Variants in LRP1B observed in about 807,000 individuals in gnomAD.
The protein encoded by LRP1B is LDL receptor related protein 1B, also known as low-density lipoprotein receptor-related protein 1B.
A neutral mutation model predicts 556.6 loss-of-function variants in LRP1B; 217 were observed. The ratio of observed to expected loss-of-function variants is 0.39; its 90% CI spans 0.35 to 0.44. The LOEUF (loss-of-function observed/expected upper bound fraction) is 0.44. Among genes scored for constraint, LRP1B ranks in the 20% least tolerant of loss-of-function variants. LRP1B has a pLI of 1.00. For synonymous variants in LRP1B, 2,047 were observed against 1,865.8 expected (o/e 1.10, Z -2.50); for missense variants, 5,053 against 5,620.8 (o/e 0.90, Z 3.23).
At chr2:141,929,915 A>ACAAAC (rs201062832) in intron 1 of LRP1B, among the ~76,000 whole-genome samples, 5 of 7,834 alleles carry the variant, frequency 6.4e-4, no homozygotes, top group African/African-American at 1.8e-3. Flanking sequence ...ATGGAAACAA[A>ACAAAC]AAAAAAAAAA....
intron 41 of LRP1B, among the ~76,000 whole-genome samples, chr2:140,624,897 T>C (rs34071702): frequency 0.038 from 5,819 of 152,268 alleles, 140 homozygotes; most frequent in Non-Finnish European, 0.061. Context: ...GCAAATTGCA[T>C]ATTCCTATGG....
intron 2 of LRP1B, among the ~76,000 whole-genome samples, chr2:141,557,033 T>C (rs2105240565): frequency 6.6e-6 from 1 of 151,958 alleles, no homozygotes; most frequent in South Asian, 2.1e-4. Context: ...TATTCTCTGC[T>C]GATGTTGCTG....
At chr2:142,023,844 T>G (rs1265844326) in intron 1 of LRP1B, among the ~76,000 whole-genome samples, 2 of 151,500 alleles carry the variant, frequency 1.3e-5, no homozygotes, top group African/African-American at 4.9e-5. Context: ...CAGCCCTGCC[T>G]CTATGAAGCA....
chr2:141,847,442 AT>A (rs554627688), intron 1 of LRP1B, among the ~76,000 whole-genome samples: 2 of 151,416 alleles, frequency 1.3e-5, no homozygotes, highest in Admixed American at 6.6e-5. Flanking sequence ...TAGACAACTG[AT>A]TTTTTTTAAA....
At chr2:141,082,120 C>T (rs1699938004) in intron 7 of LRP1B, among the ~76,000 whole-genome samples, 1 of 47,268 alleles carries the variant, frequency 2.1e-5, no homozygotes. Flanking sequence ...AGCTCCATTC[C>T]AAGACAATTC....
chr2:141,052,618 A>G (rs548186883), intron 10 of LRP1B, among the ~76,000 whole-genome samples: 4 of 152,164 alleles, frequency 2.6e-5, no homozygotes, highest in African/African-American at 9.6e-5. Flanking sequence ...TTTATTAGCA[A>G]ATGTCTTACG....
chr2:141,652,158 A>G (rs1307760425), intron 2 of LRP1B, among the ~76,000 whole-genome samples: 2 of 152,180 alleles, frequency 1.3e-5, no homozygotes, highest in Non-Finnish European at 2.9e-5. Context: ...CATTATAGTG[A>G]CATTATAAAG....
intron 9 of LRP1B, 40 bp downstream of exon 9, chr2:141,058,843 T>C (rs2105462310): frequency 6.7e-7 from 1 of 1,501,014 alleles, no homozygotes; most frequent in Non-Finnish European, 9.0e-7. Context: ...CCCCATTCAA[T>C]CTACCATTAG....
chr2:140,512,926 C>A (rs989855005), intron 51 of LRP1B, among the ~76,000 whole-genome samples: 2 of 152,042 alleles, frequency 1.3e-5, no homozygotes, highest in Admixed American at 6.6e-5. Flanking sequence ...TTATGTGTCT[C>A]AAGCTTGGTA....
At chr2:140,287,092 A>C (rs1020119454) in intron 84 of LRP1B, among the ~76,000 whole-genome samples, 17 of 151,838 alleles carry the variant, frequency 1.1e-4, no homozygotes, top group Admixed American at 4.6e-4. Flanking sequence ...TCACCTCTAA[A>C]ACCTAGCATT....
chr2:142,039,052 C>T (rs959293600), intron 1 of LRP1B, among the ~76,000 whole-genome samples: 1 of 151,512 alleles, frequency 6.6e-6, no homozygotes, highest in Non-Finnish European at 1.5e-5. Flanking sequence ...AAATGATTCA[C>T]ACCTGAAGAC....
At chr2:141,792,122 C>G (rs1289375022) in intron 2 of LRP1B, among the ~76,000 whole-genome samples, 1 of 151,782 alleles carries the variant, frequency 6.6e-6, no homozygotes, top group African/African-American at 2.4e-5. Context: ...ATTTTCATCA[C>G]TAGTATTCAC....
chr2:141,779,083 C>G (rs771551800), intron 2 of LRP1B, among the ~76,000 whole-genome samples: 2 of 152,084 alleles, frequency 1.3e-5, no homozygotes, highest in African/African-American at 4.8e-5. Flanking sequence ...TTTATTCCCA[C>G]TTTTACTAAA....
At chr2:141,078,461 A>T (rs1192171344) in intron 7 of LRP1B, among the ~76,000 whole-genome samples, 1 of 152,188 alleles carries the variant, frequency 6.6e-6, no homozygotes, top group Non-Finnish European at 1.5e-5. Flanking sequence ...CTAATACATT[A>T]GTTGGACTGA....
intron 41 of LRP1B, chr2:140,683,766 C>G (rs1413168667): frequency 4.1e-6 from 4 of 970,702 alleles, no homozygotes; most frequent in African/African-American, 1.6e-5. Flanking sequence ...TCTCTCTCTC[C>G]TGACAGGAGT....
intron 2 of LRP1B, among the ~76,000 whole-genome samples, chr2:141,572,731 G>A (rs1467389688): frequency 1.3e-5 from 2 of 152,012 alleles, no homozygotes. Flanking sequence ...AAGGAATGGA[G>A]GAAAATTTAC....
chr2:141,392,046 G>A (rs1385784003), intron 3 of LRP1B, among the ~76,000 whole-genome samples: 1 of 152,106 alleles, frequency 6.6e-6, no homozygotes, highest in African/African-American at 2.4e-5. Flanking sequence ...AGTGGACCAT[G>A]GTGTTTGATG....
chr2:140,693,984 A>C (rs1262067025), intron 41 of LRP1B, among the ~76,000 whole-genome samples: 1 of 152,224 alleles, frequency 6.6e-6, no homozygotes, highest in Non-Finnish European at 1.5e-5. Flanking sequence ...CCGGGATTAC[A>C]GGCATGAGCC....
Position 140,903,170 on chromosome 2 carries a change from A to G in LRP1B, c.3521-5T>C, listed in dbSNP as rs1694152628. The G allele has an allele frequency of 3.7e-6, 6 of 1,612,360 alleles. No homozygotes were observed. The highest frequency in any genetic ancestry group is 5.1e-6 in the Non-Finnish European group (6 of 1,179,264). On this transcript the variant is annotated splice_polypyrimidine_tract_variant and splice_region_variant and intron_variant, in intron 22 of 90. Transcript: ENST00000389484. ...CATTGTTCAGCGAACACTCATCTATAAAAAGGGGGGAACAGATTATAGGTC... is the reference window on the plus strand; with the variant it reads ...CATTGTTCAGCGAACACTCATCTATGAAAAGGGGGGAACAGATTATAGGTC...
Sources: gnomAD v4.1 joint callset for allele counts (sites outside exome capture counted in the v4.1 genomes callset) on GRCh38, gnomAD v4.1.1 for gene constraint, MANE v1.5 for transcripts, NCBI Gene and HGNC (gene_info 2026-07-23, HGNC 2026-07-21) for gene names.